UBAP1: variants seen among roughly 807,000 people sequenced by gnomAD.
UBAP1 encodes the protein ubiquitin associated protein 1.
In UBAP1, 5 loss-of-function variants were observed where a neutral mutation model predicts 39.0. That is an observed-to-expected ratio of 0.13 (90% CI 0.07 to 0.27). The LOEUF (loss-of-function observed/expected upper bound fraction) is 0.27, where lower values mean the gene tolerates loss of function less well. UBAP1 is among the 10% of genes least tolerant of loss of function. The pLI, the probability that UBAP1 is intolerant of heterozygous loss-of-function variation, is 1.00. For synonymous variants in UBAP1, 211 were observed against 225.1 expected (o/e 0.94, Z 0.56); for missense variants, 490 against 608.1 (o/e 0.81, Z 2.04).
At chr9:34,184,495 G>C (rs1830271052) in intron 1 of UBAP1, among the ~76,000 whole-genome samples, 1 of 151,228 alleles carries the variant, frequency 6.6e-6, no homozygotes. Flanking sequence ...GCCGGGCCTG[G>C]TGGCGGGCAC....
At chr9:34,221,455 G>T (rs919058294) in intron 2 of UBAP1, among the ~76,000 whole-genome samples, 16 of 151,418 alleles carry the variant, frequency 1.1e-4, no homozygotes, top group South Asian at 8.4e-4. Flanking sequence ...GCGTGAACCC[G>T]GGAGGCGGAG....
chr9:34,188,671 C>T (rs567335334), intron 1 of UBAP1, among the ~76,000 whole-genome samples: 3 of 152,092 alleles, frequency 2.0e-5, no homozygotes, highest in South Asian at 2.1e-4. Context: ...ATTAGTCTGT[C>T]TTGGGCCGGG....
intron 1 of UBAP1, 29 bp from the exon 2 acceptor site, chr9:34,220,879 T>C (rs751500984): frequency 1.3e-5 from 21 of 1,609,560 alleles, no homozygotes; most frequent in Non-Finnish European, 1.8e-5. Flanking sequence ...AGGTATAATG[T>C]GCCTAAGAAA....
intron 1 of UBAP1, among the ~76,000 whole-genome samples, chr9:34,196,924 G>T (rs1003238751): frequency 2.0e-5 from 3 of 150,154 alleles, no homozygotes; most frequent in African/African-American, 7.5e-5. Context: ...GTGTGTGTGT[G>T]TGTGTGTGTG....
At chr9:34,235,666 T>C (rs1001489164) in intron 3 of UBAP1, among the ~76,000 whole-genome samples, 2 of 151,976 alleles carry the variant, frequency 1.3e-5, no homozygotes, top group Non-Finnish European at 2.9e-5. Context: ...AAATTTAGTA[T>C]AGCCTAAGTG....
At chr9:34,250,174 G>A (rs1027588625) in intron 5 of UBAP1, among the ~76,000 whole-genome samples, 1 of 152,200 alleles carries the variant, frequency 6.6e-6, no homozygotes, top group African/African-American at 2.4e-5. Context: ...ACAGCTTTGG[G>A]AGAATTGGAG....
chr9:34,180,089 G>A (rs1465902055), intron 1 of UBAP1, among the ~76,000 whole-genome samples: 2 of 152,120 alleles, frequency 1.3e-5, no homozygotes, highest in African/African-American at 4.8e-5. Flanking sequence ...TCAGTTATTA[G>A]CATTTGAGAA....
At position 34,241,241 on chromosome 9, in the gene UBAP1, C is replaced by T. The variant is rs756428196; in HGVS notation, c.216C>T (p.Ile72=). 74 of 1,499,098 alleles carry T rather than the reference C, an allele frequency of 4.9e-5. No individual in the cohort carries two copies. Among genetic ancestry groups the T allele is most frequent in the Admixed American group, 2.1e-4 (9 of 43,222 alleles). The allele number at this position is 1,499,098 out of a possible 1,614,324, so 92.9% of individuals were successfully genotyped here. The change falls in exon 4 of 7, where the codon ATC becomes ATT. Residue 72 remains isoleucine (I), a synonymous_variant. Coordinates refer to ENST00000297661, the MANE Select transcript of UBAP1 (RefSeq NM_016525.5). ...TIEWAEEIKK[I]EEAEREAECK... ...AGTGGGCTGAAGAGATTAAGAAAAT[C>T]GAAGAAGCCGAGCGGGAAGCAGAGT... is the stretch of plus-strand genomic sequence containing the variant.
chr9:34,238,006 C>A (rs1197587687), intron 3 of UBAP1, among the ~76,000 whole-genome samples: 1 of 152,212 alleles, frequency 6.6e-6, no homozygotes, highest in Non-Finnish European at 1.5e-5. Flanking sequence ...AGAAGTCACT[C>A]CCCACAGCCT....
intron 1 of UBAP1, among the ~76,000 whole-genome samples, chr9:34,219,064 C>G (rs1160780281): frequency 6.6e-6 from 1 of 152,118 alleles, no homozygotes; most frequent in Non-Finnish European, 1.5e-5. Flanking sequence ...CACTCTATCT[C>G]TACACCATGC....
Position 34,219,088 on chromosome 9 carries a change from CT to C in UBAP1, c.-7-1809del, listed in dbSNP as rs951824601. Among the ~76,000 whole-genome samples the C allele has an allele frequency of 7.0e-4, 103 of 147,994 alleles. 3 individuals are homozygous for C. In the East Asian group the frequency reaches 9.7e-3, roughly 14 times the overall value. On this transcript the variant is annotated intron_variant, in intron 1 of 6. Transcript: ENST00000297661. ...TCTACACCATGCTGAAAAATGGAAACTTTTTTTTTTTCTTTTTGGTAACAGG... is the reference window on the plus strand; with the variant it reads ...TCTACACCATGCTGAAAAATGGAAACTTTTTTTTTTCTTTTTGGTAACAGG...
intron 3 of UBAP1, among the ~76,000 whole-genome samples, chr9:34,235,385 C>G (rs530797521): frequency 2.0e-4 from 31 of 152,108 alleles, no homozygotes; most frequent in African/African-American, 6.5e-4. Context: ...GTCGCCCAGG[C>G]TGGAGTGCAG....
chr9:34,246,815 CTAA>C (rs1834200703), intron 4 of UBAP1, among the ~76,000 whole-genome samples: 1 of 152,166 alleles, frequency 6.6e-6, no homozygotes, highest in Non-Finnish European at 1.5e-5. Flanking sequence ...AGCTTGAGCA[CTAA>C]TATTTGTCTC....
In UBAP1 at chr9:34,251,826, T is replaced by C; in HGVS notation, c.*294T>C. ...CCCTCCGGAGAGACTACCCTAGTCT[T>C]TCTGGGGTGTTTATGTCCTCAGCTG... On this transcript the variant is annotated 3_prime_UTR_variant, in exon 7 of 7. Coordinates refer to ENST00000297661, the MANE Select transcript of UBAP1 (RefSeq NM_016525.5). 3.4e-6 allele frequency: 1 copy of C among 291,326 alleles called. No individual in the cohort carries two copies. 18.0% of individuals were successfully genotyped at this position (291,326 alleles called of 1,614,324 possible).
chr9:34,212,123 T>C (rs895238905), intron 1 of UBAP1: 3 of 225,230 alleles, frequency 1.3e-5, no homozygotes, highest in African/African-American at 2.3e-5. Flanking sequence ...TAGTGGAAAT[T>C]TATGATTGAT....
intron 1 of UBAP1, among the ~76,000 whole-genome samples, chr9:34,183,916 A>G (rs1416841112): frequency 6.6e-6 from 1 of 151,880 alleles, no homozygotes; most frequent in African/African-American, 2.4e-5. Context: ...AATTACAGGC[A>G]TGTGCCACCA....
At chr9:34,182,159 C>CGTTTATTT (rs1830073696) in intron 1 of UBAP1, among the ~76,000 whole-genome samples, 1 of 113,500 alleles carries the variant, frequency 8.8e-6, no homozygotes, top group Admixed American at 9.2e-5. Context: ...GGATCCCTGA[C>CGTTTATTT]GTTTATTTAT....
At chr9:34,206,296 A>G (rs1330690039) in intron 1 of UBAP1, 1 of 152,152 alleles carries the variant, frequency 6.6e-6, no homozygotes, top group Non-Finnish European at 1.5e-5. Context: ...TAACTTTGGT[A>G]AAACCTCATT....
chr9:34,204,376 T>TA (rs1305221496), intron 1 of UBAP1, among the ~76,000 whole-genome samples: 5 of 151,220 alleles, frequency 3.3e-5, no homozygotes, highest in Non-Finnish European at 7.4e-5. Flanking sequence ...GATTTTCTTA[T>TA]AAAAAACAAA....
Sources: gnomAD v4.1 joint callset for allele counts (sites outside exome capture counted in the v4.1 genomes callset) on GRCh38, gnomAD v4.1.1 for gene constraint, MANE v1.5 for transcripts, NCBI Gene and HGNC (gene_info 2026-07-23, HGNC 2026-07-21) for gene names.